The following ABCC4 variants were observed in gnomAD, a reference collection of about 807,000 sequenced individuals.
The protein encoded by ABCC4 is ATP binding cassette subfamily C member 4 (PEL blood group).
ABCC4 carries 102 observed loss-of-function variants against 168.5 expected under a neutral mutation model. The ratio of observed to expected loss-of-function variants is 0.61; its 90% CI spans 0.52 to 0.71. The LOEUF (loss-of-function observed/expected upper bound fraction) is 0.71. ABCC4 is among the 30% of genes least tolerant of loss of function. ABCC4 has a pLI of 0.00. For missense variants in ABCC4, 1,402 were observed against 1,605.8 expected (o/e 0.87, Z 2.17); for synonymous variants, 617 against 590.7 (o/e 1.04, Z -0.65).
chr13:95,074,448 C>A (rs553494916), intron 22 of ABCC4, 124 bp from the exon 23 acceptor site: 3 of 663,214 alleles, frequency 4.5e-6, no homozygotes, highest in South Asian at 1.9e-5. Context: ...ACCCAAGGAA[C>A]CTTTAGATTC....
At chr13:95,291,533 T>C (rs1413357780) in intron 1 of ABCC4, among the ~76,000 whole-genome samples, 1 of 152,146 alleles carries the variant, frequency 6.6e-6, no homozygotes, top group Non-Finnish European at 1.5e-5. Context: ...CTAGGACCCA[T>C]CCTTTCTAGC....
chr13:95,184,808 C>T (rs189375327), intron 11 of ABCC4, among the ~76,000 whole-genome samples: 12 of 152,308 alleles, frequency 7.9e-5, no homozygotes, highest in Middle Eastern at 6.8e-3. Flanking sequence ...TTCCTATCTC[C>T]GGGGCCTGGT....
rs369909925 is a variant in ABCC4 at position 95,083,174 on chromosome 13, T to C, written c.2652A>G (p.Glu884=). The change falls in exon 21 of 31, where the codon GAA becomes GAG. Residue 884 remains glutamate (E), a synonymous_variant. Coordinates refer to ENST00000645237, the MANE Select transcript of ABCC4 (RefSeq NM_005845.5). ...IFIFLRRYFL[E]TSRDVKRLES... The stretch of plus-strand genomic sequence containing the variant: ...CCAGGCGCTTCACATCTCTTGACGT[T>C]TCCAAAAAATATCGCCGAAGAAAAA... 7 of 1,613,848 alleles carry C rather than the reference T, an allele frequency of 4.3e-6. No individual in the cohort carries two copies. In the African/African-American group the frequency reaches 8.0e-5, roughly 18 times the overall value.
At chr13:95,029,250 AGAGAAAGAG>A (rs2031749137) in intron 30 of ABCC4, among the ~76,000 whole-genome samples, 1 of 5,016 alleles carries the variant, frequency 2.0e-4, no homozygotes, top group African/African-American at 3.6e-4. Context: ...AGAGAGAGAG[AGAGAAAGAG>A]AGAGAGAGAG....
intron 30 of ABCC4, 50 bp downstream of exon 30, chr13:95,034,555 A>G: frequency 6.3e-7 from 1 of 1,591,630 alleles, no homozygotes; most frequent in Non-Finnish European, 8.5e-7. Context: ...AATTGTGCGG[A>G]GGGAGCCGCT....
At chr13:95,227,065 G>A (rs916117768) in intron 4 of ABCC4, among the ~76,000 whole-genome samples, 1 of 152,160 alleles carries the variant, frequency 6.6e-6, no homozygotes, top group Non-Finnish European at 1.5e-5. Flanking sequence ...ATACAACAGA[G>A]AGCAGTTTGA....
Position 95,252,620 on chromosome 13 carries a change from A to G in ABCC4, c.75-4867T>C, listed in dbSNP as rs557295804. Among the ~76,000 whole-genome samples, 145 of 152,318 alleles carry G rather than the reference A, an allele frequency of 9.5e-4. 7 individuals carry two copies. The South Asian group carries it at 0.027, about 29-fold the overall frequency. ...AAACTGGGAGGCAGAAGTTGCAGTG[A>G]GCTGAGATCGCACCTTTGCACTCCA... On this transcript the variant is annotated intron_variant, in intron 1 of 30. Transcript: ENST00000645237.
chr13:95,218,139 A>C (rs984588625), intron 4 of ABCC4, among the ~76,000 whole-genome samples: 1 of 152,232 alleles, frequency 6.6e-6, no homozygotes, highest in Non-Finnish European at 1.5e-5. Context: ...TTTGTGAGGT[A>C]ATGAAACTTC....
intron 4 of ABCC4, among the ~76,000 whole-genome samples, chr13:95,214,863 G>A (rs9524834): frequency 0.22 from 24,938 of 113,774 alleles, 3,028 homozygotes; most frequent in Non-Finnish European, 0.32. Context: ...TCCAGCCTGG[G>A]TGATAGGTGA....
At chr13:95,053,733 T>C (rs773687593) in intron 26 of ABCC4, 1 of 157,158 alleles carries the variant, frequency 6.4e-6, no homozygotes, top group Non-Finnish European at 1.4e-5. Flanking sequence ...TCTTAGTATT[T>C]TGGGAGGTCG....
intron 4 of ABCC4, among the ~76,000 whole-genome samples, chr13:95,212,857 G>A (rs973006135): frequency 2.6e-5 from 4 of 152,172 alleles, no homozygotes; most frequent in Non-Finnish European, 5.9e-5. Context: ...GCCAGGTGCG[G>A]TGGCTCACAC....
At chr13:95,271,548 G>A (rs1032264212) in intron 1 of ABCC4, among the ~76,000 whole-genome samples, 3 of 152,068 alleles carry the variant, frequency 2.0e-5, no homozygotes, top group Non-Finnish European at 2.9e-5. Context: ...AAGTATTTGC[G>A]TTACCTCAGC....
chr13:95,032,670 CT>C (rs10529298), intron 30 of ABCC4, among the ~76,000 whole-genome samples: 63 of 148,468 alleles, frequency 4.2e-4, no homozygotes, highest in Admixed American at 4.7e-4. Flanking sequence ...TTTCTTTTTT[CT>C]TTTTTTTTTT....
At chr13:95,128,208 T>C (rs957553392) in intron 19 of ABCC4, among the ~76,000 whole-genome samples, 8 of 152,152 alleles carry the variant, frequency 5.3e-5, no homozygotes, top group Non-Finnish European at 2.9e-5. Flanking sequence ...AACAATTCGA[T>C]GCCAATTAAT....
intron 19 of ABCC4, among the ~76,000 whole-genome samples, chr13:95,118,463 C>G (rs897724539): frequency 1.3e-5 from 2 of 152,094 alleles, no homozygotes; most frequent in Non-Finnish European, 2.9e-5. Flanking sequence ...AGGCTGGTCT[C>G]AAGCTTCTGA....
intron 1 of ABCC4, among the ~76,000 whole-genome samples, chr13:95,248,687 T>C (rs1278014625): frequency 6.6e-6 from 1 of 152,086 alleles, no homozygotes; most frequent in Non-Finnish European, 1.5e-5. Context: ...GGAGGGAGAA[T>C]GGCTTGAGCC....
At chr13:95,269,298 C>T (rs561495048) in intron 1 of ABCC4, 100 of 455,678 alleles carry the variant, frequency 2.2e-4, no homozygotes, top group African/African-American at 1.9e-3. Context: ...GTCAGCAGCA[C>T]AAGCAGCTCA....
chr13:95,219,932 T>C (rs1403546479), intron 4 of ABCC4, among the ~76,000 whole-genome samples: 3 of 151,084 alleles, frequency 2.0e-5, no homozygotes, highest in Non-Finnish European at 4.4e-5. Context: ...CTTGGCTCAC[T>C]GCAACCTCCA....
intron 1 of ABCC4, among the ~76,000 whole-genome samples, 165 bp from the exon 2 acceptor site, chr13:95,247,918 G>GCGCACACACACACACACACA (rs145006616): frequency 4.9e-5 from 7 of 142,656 alleles, no homozygotes; most frequent in South Asian, 4.5e-4. Flanking sequence ...GTTAACATGT[G>GCGCACACACACACACACACA]CACACACACA....
Sources: allele counts gnomAD v4.1 joint callset (sites outside exome capture counted in the v4.1 genomes callset), GRCh38; gene constraint gnomAD v4.1.1; transcripts MANE v1.5; gene names NCBI Gene and HGNC (gene_info 2026-07-23, HGNC 2026-07-21).